The following OSBPL6 variants were observed in gnomAD, a reference collection of about 807,000 sequenced individuals.
OSBPL6 encodes oxysterol-binding protein-related protein 6.
OSBPL6 carries 49 observed loss-of-function variants against 125.8 expected under a neutral mutation model. The observed-to-expected ratio is 0.39, with a 90% CI of 0.31 to 0.49. The LOEUF (loss-of-function observed/expected upper bound fraction) is 0.49. OSBPL6 is among the 20% of genes least tolerant of loss of function. The pLI is 0.88. For synonymous variants in OSBPL6, 394 were observed against 391.8 expected (o/e 1.01, Z -0.07); for missense variants, 986 against 1,135.4 (o/e 0.87, Z 1.89).
At chr2:178,318,827 G>T (rs1025797573) in intron 3 of OSBPL6, among the ~76,000 whole-genome samples, 3 of 152,176 alleles carry the variant, frequency 2.0e-5, no homozygotes, top group African/African-American at 7.2e-5. Flanking sequence ...CAAAGTGTTT[G>T]AAAGTCATCT....
At chr2:178,199,499 C>CT (rs1356701849) in intron 1 of OSBPL6, among the ~76,000 whole-genome samples, 1 of 151,560 alleles carries the variant, frequency 6.6e-6, no homozygotes, top group Non-Finnish European at 1.5e-5. Flanking sequence ...GCCTGGCTCT[C>CT]TGAGATATTG....
At chr2:178,366,268 C>T (rs771465748) in intron 13 of OSBPL6, among the ~76,000 whole-genome samples, 5 of 152,166 alleles carry the variant, frequency 3.3e-5, no homozygotes, top group Non-Finnish European at 7.3e-5. Flanking sequence ...CTCAGCACCC[C>T]AGATTACCAT....
intron 2 of OSBPL6, among the ~76,000 whole-genome samples, chr2:178,294,069 A>T (rs1685517789): frequency 6.6e-6 from 1 of 152,158 alleles, no homozygotes; most frequent in Non-Finnish European, 1.5e-5. Flanking sequence ...AATCCATTTG[A>T]GTATTTTATT....
chr2:178,392,131 G>T (rs767808586), intron 22 of OSBPL6, among the ~76,000 whole-genome samples: 1 of 152,204 alleles, frequency 6.6e-6, no homozygotes, highest in East Asian at 1.9e-4. Context: ...ATATTCAAGA[G>T]AAATATTATG....
chr2:178,338,612 A>T lies in OSBPL6; in HGVS notation c.791-379A>T, dbSNP rs1323976038. ...AACGCTACCCAAATTCCAGATAACC[A>T]TCTTCTAAAGCATGTTAGAGGAGCA... On this transcript the variant is annotated intron_variant, in intron 9 of 24. Transcript: ENST00000190611. Among the ~76,000 whole-genome samples the T allele has an allele frequency of 2.0e-5, 3 of 152,168 alleles. No individual in the cohort carries two copies. In the East Asian group the frequency reaches 5.8e-4, roughly 29 times the overall value.
chr2:178,391,198 A>G lies in OSBPL6; in HGVS notation c.2427A>G (p.Ala809=). 6.2e-7 allele frequency: 1 copy of G among 1,609,168 alleles called. No individual in the cohort carries two copies. The highest frequency in any genetic ancestry group is 8.5e-7 in the Non-Finnish European group (1 of 1,178,158). Residue 809 remains alanine, a synonymous_variant, in exon 22 of 25, where the codon GCA becomes GCG. Coordinates refer to ENST00000190611, the MANE Select transcript of OSBPL6 (RefSeq NM_032523.4). ...TCTACTGTGGTGTGGCCCCCTCTGC[A>G]AAGTGCATTTGGAGACCAGGTGAGA... The part of the protein sequence containing the change: ...EGLYCGVAPS[A]KCIWRPGSMP...
chr2:178,358,987 T>C (rs1316673299), intron 12 of OSBPL6, among the ~76,000 whole-genome samples: 1 of 151,954 alleles, frequency 6.6e-6, no homozygotes, highest in East Asian at 1.9e-4. Flanking sequence ...ATGAGCAACA[T>C]AGTGAGACTC....
intron 1 of OSBPL6, among the ~76,000 whole-genome samples, chr2:178,236,166 A>T (rs1311764965): frequency 6.6e-6 from 1 of 152,202 alleles, no homozygotes; most frequent in African/African-American, 2.4e-5. Context: ...ATGATAGAAC[A>T]TGCTTATGCT....
At chr2:178,359,185 TTAAA>T (rs1300266437) in intron 12 of OSBPL6, among the ~76,000 whole-genome samples, 3 of 151,966 alleles carry the variant, frequency 2.0e-5, no homozygotes, top group African/African-American at 7.2e-5. Flanking sequence ...CATAAAAAAA[TTAAA>T]TAAATAAAAA....
chr2:178,227,716 A>G (rs556902402), intron 1 of OSBPL6, among the ~76,000 whole-genome samples: 25 of 152,346 alleles, frequency 1.6e-4, no homozygotes, highest in African/African-American at 5.8e-4. Context: ...GCCCTTTTCT[A>G]TAAGTTTAAG....
At chr2:178,395,379 T>C in intron 24 of OSBPL6, 72 bp from the exon 25 acceptor site, 2 of 1,035,638 alleles carry the variant, frequency 1.9e-6, no homozygotes, top group African/African-American at 1.6e-5. Flanking sequence ...ATGTCTAATC[T>C]ATAGGAGAGG....
At chr2:178,376,012 G>A (rs1402996593) in intron 15 of OSBPL6, among the ~76,000 whole-genome samples, 1 of 152,128 alleles carries the variant, frequency 6.6e-6, no homozygotes, top group African/African-American at 2.4e-5. Flanking sequence ...ATAAGAAGGT[G>A]GAGGGCAGGG....
At chr2:178,388,889 A>G in intron 20 of OSBPL6, 120 bp from the exon 21 acceptor site, 1 of 1,059,194 alleles carries the variant, frequency 9.4e-7, no homozygotes, top group Non-Finnish European at 1.4e-6. Context: ...ATTTCAAGAC[A>G]CAAATGGGAG....
chr2:178,208,478 A>C (rs1384700239), intron 1 of OSBPL6, among the ~76,000 whole-genome samples: 2 of 152,056 alleles, frequency 1.3e-5, no homozygotes, highest in African/African-American at 2.4e-5. Flanking sequence ...TGTACATTTG[A>C]TATCCTCCCT....
At chr2:178,234,004 A>C (rs558819482) in intron 1 of OSBPL6, among the ~76,000 whole-genome samples, 33 of 152,262 alleles carry the variant, frequency 2.2e-4, no homozygotes, top group African/African-American at 7.0e-4. Flanking sequence ...GAGTTGAATA[A>C]TTTACTTTAT....
At chr2:178,251,672 G>A (rs931664223) in intron 1 of OSBPL6, among the ~76,000 whole-genome samples, 2 of 152,124 alleles carry the variant, frequency 1.3e-5, no homozygotes, top group South Asian at 2.1e-4. Flanking sequence ...TTCTGATCAC[G>A]CACTCTTCCT....
At chr2:178,201,135 A>T (rs1335762998) in intron 1 of OSBPL6, among the ~76,000 whole-genome samples, 1 of 152,200 alleles carries the variant, frequency 6.6e-6, no homozygotes, top group Non-Finnish European at 1.5e-5. Flanking sequence ...ACAAATGTAT[A>T]TTAATATTTC....
chr2:178,387,223 G>C (rs1695023205), intron 20 of OSBPL6, 84 bp downstream of exon 20: 1 of 1,115,828 alleles, frequency 9.0e-7, no homozygotes, highest in Non-Finnish European at 1.3e-6. Context: ...AAGATGGTAA[G>C]GGTTTCTTTC....
chr2:178,351,240 C>T (rs1164512583), intron 12 of OSBPL6, among the ~76,000 whole-genome samples: 1 of 151,992 alleles, frequency 6.6e-6, no homozygotes, highest in African/African-American at 2.4e-5. Flanking sequence ...GAAGTACTAT[C>T]AAGAGCAATT....
Sources: allele counts gnomAD v4.1 joint callset (sites outside exome capture counted in the v4.1 genomes callset), GRCh38; gene constraint gnomAD v4.1.1; transcripts MANE v1.5; gene names NCBI Gene and HGNC (gene_info 2026-07-23, HGNC 2026-07-21).